Variants in GALNT17 observed in about 807,000 individuals in gnomAD.
GALNT17 encodes UDP-GalNAc:polypeptide N-acetylgalactosaminyltransferase-like 3.
Under a neutral mutation model 63.7 loss-of-function variants are expected in GALNT17, and 29 were observed. That is an observed-to-expected ratio of 0.46 (90% CI 0.34 to 0.62). The LOEUF is 0.62. GALNT17 is among the 20% of genes least tolerant of loss of function. GALNT17 has a pLI of 0.01. For missense variants in GALNT17, 603 were observed against 799.6 expected (o/e 0.75, Z 2.97); for synonymous variants, 305 against 318.3 (o/e 0.96, Z 0.45).
chr7:71,193,496 G>A (rs1475897318), intron 1 of GALNT17, among the ~76,000 whole-genome samples: 6 of 121,376 alleles, frequency 4.9e-5, no homozygotes, highest in South Asian at 2.6e-4. Flanking sequence ...CTCCTTTCCC[G>A]GCTTTGACTC....
intron 1 of GALNT17, among the ~76,000 whole-genome samples, chr7:71,312,442 GAAAATTGAGTAC>G (rs1791427922): frequency 6.6e-6 from 1 of 152,174 alleles, no homozygotes; most frequent in African/African-American, 2.4e-5. Flanking sequence ...GAAAACTCTT[GAAAATTGAGTAC>G]AATTATCTGT....
At chr7:71,641,260 C>T (rs1210019010) in intron 6 of GALNT17, among the ~76,000 whole-genome samples, 2 of 152,006 alleles carry the variant, frequency 1.3e-5, no homozygotes, top group African/African-American at 4.8e-5. Context: ...GTTAAGCAGA[C>T]CCACGTTTTG....
chr7:71,335,795 A>G (rs1028542881), intron 2 of GALNT17, 62 bp downstream of exon 2: 5 of 1,308,030 alleles, frequency 3.8e-6, no homozygotes, highest in Non-Finnish European at 4.0e-6. Context: ...GTAGACCCCT[A>G]CGTTTGTGAT....
chr7:71,370,505 G>A (rs1165191958), intron 2 of GALNT17, among the ~76,000 whole-genome samples: 2 of 151,930 alleles, frequency 1.3e-5, no homozygotes, highest in Non-Finnish European at 2.9e-5. Context: ...ACTTTTTTGA[G>A]ACAGAGTTTC....
intron 1 of GALNT17, among the ~76,000 whole-genome samples, chr7:71,254,985 A>G (rs1790263629): frequency 6.6e-6 from 1 of 152,256 alleles, no homozygotes; most frequent in Admixed American, 6.5e-5. Flanking sequence ...GATTTCATTC[A>G]TTGCCAGCAT....
intron 5 of GALNT17, among the ~76,000 whole-genome samples, chr7:71,510,631 C>T (rs957545989): frequency 1.3e-5 from 2 of 152,178 alleles, no homozygotes; most frequent in African/African-American, 4.8e-5. Context: ...CTCAGGGATG[C>T]AGGCCAGGTC....
chr7:71,268,072 A>G (rs1392318875), intron 1 of GALNT17, among the ~76,000 whole-genome samples: 1 of 152,108 alleles, frequency 6.6e-6, no homozygotes, highest in Non-Finnish European at 1.5e-5. Context: ...TCTGTGGAGG[A>G]CCTACCAAGG....
At chr7:71,204,261 C>T (rs1256321811) in intron 1 of GALNT17, among the ~76,000 whole-genome samples, 3 of 152,090 alleles carry the variant, frequency 2.0e-5, no homozygotes, top group Admixed American at 2.0e-4. Flanking sequence ...TGGTTGATGT[C>T]TGTTTTTATG....
chr7:71,296,009 C>G (rs1791072835), intron 1 of GALNT17, among the ~76,000 whole-genome samples: 1 of 150,912 alleles, frequency 6.6e-6, no homozygotes, highest in South Asian at 2.1e-4. Context: ...GAGCTCTTAT[C>G]TTTTATTAAA....
intron 5 of GALNT17, among the ~76,000 whole-genome samples, chr7:71,531,365 A>G (rs906434924): frequency 6.6e-6 from 1 of 152,202 alleles, no homozygotes; most frequent in African/African-American, 2.4e-5. Flanking sequence ...ATATTCAATT[A>G]TACATACAAT....
intron 6 of GALNT17, among the ~76,000 whole-genome samples, chr7:71,574,791 C>A (rs1186358143): frequency 6.6e-6 from 1 of 152,138 alleles, no homozygotes; most frequent in African/African-American, 2.4e-5. Flanking sequence ...TCCTACCCCA[C>A]CAGGTAACTT....
intron 3 of GALNT17, among the ~76,000 whole-genome samples, chr7:71,401,198 G>A (rs1025163541): frequency 6.6e-6 from 1 of 150,970 alleles, no homozygotes; most frequent in Non-Finnish European, 1.5e-5. Context: ...CCAGGTTCAA[G>A]CGATTCTCCT....
chr7:71,423,672 G>A (rs562317566), intron 5 of GALNT17, among the ~76,000 whole-genome samples: 2 of 152,122 alleles, frequency 1.3e-5, no homozygotes, highest in African/African-American at 2.4e-5. Context: ...TCAGCACTTC[G>A]GGAGGCCAAG....
chr7:71,434,726 G>A (rs1157813983), intron 5 of GALNT17, among the ~76,000 whole-genome samples: 2 of 152,140 alleles, frequency 1.3e-5, no homozygotes, highest in Admixed American at 6.6e-5. Flanking sequence ...AATGTCGATT[G>A]TTCCACTAGT....
intron 5 of GALNT17, among the ~76,000 whole-genome samples, chr7:71,512,471 C>G (rs1788376345): frequency 6.6e-6 from 1 of 152,142 alleles, no homozygotes; most frequent in South Asian, 2.1e-4. Context: ...TCATAAAAGA[C>G]CTCCAAGTCG....
intron 5 of GALNT17, among the ~76,000 whole-genome samples, chr7:71,560,346 G>A (rs1029976086): frequency 1.8e-4 from 28 of 151,986 alleles, no homozygotes; most frequent in African/African-American, 5.1e-4. Context: ...TTTGGCCACC[G>A]TGGCTTACCG....
intron 1 of GALNT17, among the ~76,000 whole-genome samples, chr7:71,258,637 T>C (rs1382040702): frequency 1.3e-5 from 2 of 152,176 alleles, no homozygotes; most frequent in Non-Finnish European, 2.9e-5. Flanking sequence ...AAGAAAACAT[T>C]ACCATCTGCC....
At chr7:71,613,033 C>T (rs905230811) in intron 6 of GALNT17, among the ~76,000 whole-genome samples, 3 of 152,180 alleles carry the variant, frequency 2.0e-5, no homozygotes, top group African/African-American at 7.2e-5. Context: ...CTCCAGTAGA[C>T]GTTTCTGATG....
At chr7:71,495,450 T>A (rs1449671912) in intron 5 of GALNT17, among the ~76,000 whole-genome samples, 1 of 152,214 alleles carries the variant, frequency 6.6e-6, no homozygotes, top group Non-Finnish European at 1.5e-5. Flanking sequence ...CATCTGTCTA[T>A]GGATTAGTAA....
Sources: gnomAD v4.1 joint callset for allele counts (sites outside exome capture counted in the v4.1 genomes callset) on GRCh38, gnomAD v4.1.1 for gene constraint, MANE v1.5 for transcripts, NCBI Gene and HGNC (gene_info 2026-07-23, HGNC 2026-07-21) for gene names.